FRA10AC1: variants seen among roughly 807,000 people sequenced by gnomAD.
FRA10AC1 encodes the protein protein FRA10AC1.
Under a neutral mutation model 56.5 loss-of-function variants are expected in FRA10AC1, and 43 were observed. The ratio of observed to expected loss-of-function variants is 0.76; its 90% CI spans 0.60 to 0.98. FRA10AC1 has a LOEUF of 0.98. Ranked by LOEUF, FRA10AC1 falls within the 50% of genes least tolerant of loss-of-function variation. The pLI, the probability that FRA10AC1 is intolerant of heterozygous loss-of-function variation, is 0.00. For missense variants in FRA10AC1, 346 were observed against 351.8 expected, an observed-to-expected ratio of 0.98 and a Z score of 0.13; for synonymous variants, 112 against 110.5, an observed-to-expected ratio of 1.01 and a Z score of -0.09.
In FRA10AC1 at chr10:93,700,107, C is replaced by G. The variant is rs1589731470; in HGVS notation, c.1-1G>C. 1 of 1,568,476 alleles carries G rather than the reference C, an allele frequency of 6.4e-7. No homozygotes were observed. Among genetic ancestry groups the G allele is most frequent in the Middle Eastern group, 1.7e-4 (1 of 5,982 alleles). On this transcript the variant is annotated splice_acceptor_variant, in intron 1 of 13. Transcript: ENST00000359204. LOFTEE classifies it low-confidence loss of function (5UTR_SPLICE). ...AATCATAGCCTCCATGACCATGCAT[C>G]TGTAAAGGAGTACAAAGTCAGCTAT...
upstream of FRA10AC1, chr10:93,702,904 A>G (rs2059368620): frequency 2.3e-6 from 1 of 435,836 alleles, no homozygotes; most frequent in South Asian, 1.6e-5. Context: ...AACCTTAGTA[A>G]CGCCTCCTCG....
chr10:93,698,943 A>G (rs184499191), intron 2 of FRA10AC1, among the ~76,000 whole-genome samples: 79 of 152,268 alleles, frequency 5.2e-4, no homozygotes, highest in African/African-American at 1.8e-3. Flanking sequence ...ATTGGCTATC[A>G]TTAGTGTATT....
At chr10:93,684,246 A>C in intron 9 of FRA10AC1, 148 bp from the exon 10 acceptor site, 1 of 601,794 alleles carries the variant, frequency 1.7e-6, no homozygotes, top group Non-Finnish European at 3.0e-6. Context: ...GACCTTCATC[A>C]CCTCAAAAAT....
chr10:93,674,430 C>T (rs1486423768), intron 12 of FRA10AC1: 1 of 152,184 alleles, frequency 6.6e-6, no homozygotes, highest in African/African-American at 2.4e-5. Context: ...ATACAGATGA[C>T]TGACCACCTG....
rs946583761 is a variant in FRA10AC1 at position 93,684,170 on chromosome 10, A to C, written c.626-72T>G. ...CTGCTAATCTACTTTTAATATCATA[A>C]ATTCGCACTTTCTTTATATTCCATT... On this transcript the variant is annotated intron_variant, in intron 9 of 13. Coordinates refer to ENST00000359204, the MANE Select transcript of FRA10AC1 (RefSeq NM_145246.5). 7 of 1,116,168 alleles carry C rather than the reference A, an allele frequency of 6.3e-6. No individual in the cohort carries two copies. In the Admixed American group the frequency reaches 7.5e-5, roughly 12 times the overall value. 69.1% of individuals were successfully genotyped at this position (1,116,168 alleles called of 1,614,324 possible).
intron 12 of FRA10AC1, 34 bp from the exon 13 acceptor site, chr10:93,670,882 T>C: frequency 1.4e-6 from 2 of 1,389,786 alleles, no homozygotes; most frequent in Non-Finnish European, 2.0e-6. Flanking sequence ...TTTAAAAACC[T>C]ATTATACTTA....
At chr10:93,699,973 C>G (rs2059302237) in intron 2 of FRA10AC1, 57 bp downstream of exon 2, 1 of 926,184 alleles carries the variant, frequency 1.1e-6, no homozygotes, top group South Asian at 1.4e-5. Context: ...TTTATTTATA[C>G]TTCATATTAA....
intron 11 of FRA10AC1, among the ~76,000 whole-genome samples, chr10:93,676,898 C>A (rs575503799): frequency 6.6e-6 from 1 of 151,992 alleles, no homozygotes; most frequent in East Asian, 1.9e-4. Context: ...ATCTTATGTG[C>A]TCATATGGTC....
Position 93,692,734 on chromosome 10 carries a change from A to G in FRA10AC1, c.297-5T>C. 6.4e-7 allele frequency: 1 copy of G among 1,567,064 alleles called. No individual in the cohort carries two copies. Among genetic ancestry groups the G allele is most frequent in the Non-Finnish European group, 8.6e-7 (1 of 1,159,504 alleles). ...AAGTCTGTCTTGTCATTTTCCCTGG[A>G]AAACAGAACTTTTTCAATTTAATAC... On this transcript the variant is annotated splice_region_variant and splice_polypyrimidine_tract_variant and intron_variant, in intron 5 of 13. Transcript: ENST00000359204.
chr10:93,681,473 CT>C lies in FRA10AC1; in HGVS notation c.787+6del. Reference sequence around the variant, plus strand: ...TGAGTAGATGCCTTATCTTAATTTCCTTTTACCTTTATCTTTTTTCTTGGAG... The same window carrying C: ...TGAGTAGATGCCTTATCTTAATTTCCTTTACCTTTATCTTTTTTCTTGGAG... On this transcript the variant is annotated splice_donor_region_variant and intron_variant, in intron 11 of 13. Transcript: ENST00000359204. 1 of 1,529,226 alleles carries C rather than the reference CT, an allele frequency of 6.5e-7. No individual in the cohort carries two copies. The highest frequency in any genetic ancestry group is 2.1e-5 in the Admixed American group (1 of 47,672). The allele number at this position is 1,529,226 out of a possible 1,614,324, so 94.7% of individuals were successfully genotyped here.
upstream of FRA10AC1, among the ~76,000 whole-genome samples, chr10:93,702,777 C>T (rs2059366682): frequency 6.6e-6 from 1 of 151,940 alleles, no homozygotes; most frequent in Non-Finnish European, 1.5e-5. Flanking sequence ...CCTTCCTTTC[C>T]CCTCTAGGGA....
At chr10:93,699,583 A>G (rs2059294532) in intron 2 of FRA10AC1, among the ~76,000 whole-genome samples, 1 of 152,076 alleles carries the variant, frequency 6.6e-6, no homozygotes, top group Non-Finnish European at 1.5e-5. Flanking sequence ...TCTTCCCGTG[A>G]CCTTAGTCTG....
At position 93,694,869 on chromosome 10, in the gene FRA10AC1, CTTGAAGTCTTCT is replaced by C; in HGVS notation, c.276_287del (p.Glu93_Lys96del). 6.3e-7 allele frequency: 1 copy of C among 1,584,158 alleles called. No individual in the cohort carries two copies. The highest frequency in any genetic ancestry group is 8.7e-7 in the Non-Finnish European group (1 of 1,152,924). ...AACTTCCTGATACTTACCCCAAACGCTTGAAGTCTTCTTTTTTGCCACCATAGTATAAAATAT... is the reference window on the plus strand; with the variant it reads ...AACTTCCTGATACTTACCCCAAACGCTTTTTGCCACCATAGTATAAAATAT... On this transcript the variant is annotated inframe_deletion, in exon 5 of 14. Coordinates refer to ENST00000359204, the MANE Select transcript of FRA10AC1 (RefSeq NM_145246.5).
intron 4 of FRA10AC1, among the ~76,000 whole-genome samples, chr10:93,697,887 T>C (rs1455915895): frequency 1.3e-5 from 2 of 152,194 alleles, no homozygotes; most frequent in Admixed American, 1.3e-4. Context: ...TATTTGCAGA[T>C]TCATGTACTT....
At chr10:93,694,836 T>A in intron 5 of FRA10AC1, 25 bp downstream of exon 5, 1 of 1,387,274 alleles carries the variant, frequency 7.2e-7, no homozygotes, top group Non-Finnish European at 1.0e-6. Flanking sequence ...CACATTCCCT[T>A]CTATGTAAAC....
rs2058749099 is a variant in FRA10AC1, at chr10:93,670,841, A to G, written c.834T>C (p.Ser278=). The G allele has an allele frequency of 6.2e-7, 1 of 1,608,050 alleles. No homozygotes were observed. Among genetic ancestry groups the G allele is most frequent in the Admixed American group, 1.7e-5 (1 of 59,850 alleles). The change falls in exon 13 of 14, where the codon TCT becomes TCC. Residue 278 remains serine (S), a synonymous_variant. Coordinates refer to ENST00000359204, the MANE Select transcript of FRA10AC1 (RefSeq NM_145246.5). ...KKSEDSLLRN[S]DEEESASESE... ...ATTCTGAAGCACTTTCTTCCTCATC[A>G]GAGTTTCCTGTTCATTTAAAAAAGA...
chr10:93,691,544 C>T (rs992251167), intron 7 of FRA10AC1, among the ~76,000 whole-genome samples: 1 of 152,168 alleles, frequency 6.6e-6, no homozygotes, highest in Non-Finnish European at 1.5e-5. Context: ...CTAATTAGCA[C>T]TGATTGAAAT....
rs149879849 is a variant in FRA10AC1, at chr10:93,702,175, T to TC, written c.-1+199dup. Among the ~76,000 whole-genome samples the TC allele has an allele frequency of 7.4e-3, 1,115 of 150,394 alleles. 17 individuals carry two copies. Among genetic ancestry groups the TC allele is most frequent in the African/African-American group, 0.026 (1,048 of 40,816 alleles). ...TTGAACTAAAAAGCTCTCACTCACT[T>TC]CAGGCCTACGAATCAACTGACAAGA... On this transcript the variant is annotated intron_variant, in intron 1 of 13. Coordinates refer to ENST00000359204, the MANE Select transcript of FRA10AC1 (RefSeq NM_145246.5).
At chr10:93,681,663 C>T in intron 10 of FRA10AC1, 65 bp from the exon 11 acceptor site, 7 of 1,372,138 alleles carry the variant, frequency 5.1e-6, no homozygotes, top group Non-Finnish European at 6.7e-6. Flanking sequence ...AAATAACCAT[C>T]ATATGAACAA....
Sources: gnomAD v4.1 joint callset for allele counts (sites outside exome capture counted in the v4.1 genomes callset) on GRCh38, gnomAD v4.1.1 for gene constraint, MANE v1.5 for transcripts, NCBI Gene and HGNC (gene_info 2026-07-23, HGNC 2026-07-21) for gene names.